Variants in TNPO1 observed in about 807,000 individuals in gnomAD.
TNPO1 encodes the protein transportin-1.
TNPO1 carries 8 observed loss-of-function variants against 119.5 expected under a neutral mutation model. The observed-to-expected ratio is 0.07, with a 90% CI of 0.04 to 0.12. The LOEUF (loss-of-function observed/expected upper bound fraction) is 0.12. Among genes scored for constraint, TNPO1 ranks in the 10% least tolerant of loss-of-function variants. TNPO1 has a pLI of 1.00. For synonymous variants in TNPO1, 362 were observed against 363.0 expected, an observed-to-expected ratio of 1.00 and a Z score of 0.03; for missense variants, 576 against 1,089.8, an observed-to-expected ratio of 0.53 and a Z score of 6.64.
chr5:72,872,736 G>T lies in TNPO1; in HGVS notation c.678+16G>T. On this transcript the variant is annotated intron_variant, in intron 7 of 24. Transcript: ENST00000337273. ...TTTTATTGAGGTAAGACTTGTTCTTGTCTCCCTCCCAACCCCCCAGCTTTT... is the reference window on the plus strand; with the variant it reads ...TTTTATTGAGGTAAGACTTGTTCTTTTCTCCCTCCCAACCCCCCAGCTTTT... 6.4e-7 allele frequency: 1 copy of T among 1,551,660 alleles called. No individual in the cohort carries two copies. Among genetic ancestry groups the T allele is most frequent in the Non-Finnish European group, 8.7e-7 (1 of 1,145,748 alleles).
intron 1 of TNPO1, among the ~76,000 whole-genome samples, chr5:72,834,028 G>A (rs979356542): frequency 2.0e-5 from 3 of 152,018 alleles, no homozygotes; most frequent in Admixed American, 2.0e-4. Flanking sequence ...TTCAGTCAAC[G>A]ATGGACTACA....
intron 5 of TNPO1, among the ~76,000 whole-genome samples, chr5:72,863,626 T>C (rs781069623): frequency 2.9e-4 from 44 of 151,658 alleles, no homozygotes; most frequent in Non-Finnish European, 5.7e-4. Context: ...CCAGGCATGG[T>C]GTCGAATGCC....
chr5:72,865,491 T>C, intron 5 of TNPO1, 105 bp from the exon 6 acceptor site: 1 of 1,259,352 alleles, frequency 7.9e-7, no homozygotes, highest in Non-Finnish European at 1.1e-6. Flanking sequence ...GCATTTTATG[T>C]GGGCTGAGAA....
At chr5:72,856,495 A>C (rs569855250) in intron 4 of TNPO1, among the ~76,000 whole-genome samples, 1 of 152,096 alleles carries the variant, frequency 6.6e-6, no homozygotes, top group East Asian at 1.9e-4. Flanking sequence ...AGCCTCCCAA[A>C]GTGCTGAGAT....
chr5:72,913,025 A>C lies in TNPO1; in HGVS notation c.*4352A>C, dbSNP rs1273515821. 6.6e-6 allele frequency: 1 copy of C among 152,488 alleles called. No homozygotes were observed. The allele number at this position is 152,488 out of a possible 1,614,324, so 9.4% of individuals were successfully genotyped here. ...TAACTTGCTACTAGTGTTGTTAATG[A>C]AGTATAGGCCTTGGAACATTTAAGA... On this transcript the variant is annotated 3_prime_UTR_variant, in exon 25 of 25. Coordinates refer to ENST00000337273, the MANE Select transcript of TNPO1 (RefSeq NM_002270.4).
intron 15 of TNPO1, among the ~76,000 whole-genome samples, chr5:72,892,876 T>G (rs1749165591): frequency 6.6e-6 from 1 of 151,736 alleles, no homozygotes; most frequent in Non-Finnish European, 1.5e-5. Context: ...TATGAACACA[T>G]AATACTCAAT....
At chr5:72,861,593 A>AG (rs982268729) in intron 4 of TNPO1, among the ~76,000 whole-genome samples, 1 of 151,662 alleles carries the variant, frequency 6.6e-6, no homozygotes, top group Non-Finnish European at 1.5e-5. Context: ...TAGTAGTGAG[A>AG]GGGTTTCATC....
intron 1 of TNPO1, among the ~76,000 whole-genome samples, chr5:72,838,634 A>T (rs1420895440): frequency 6.6e-6 from 1 of 152,194 alleles, no homozygotes; most frequent in East Asian, 1.9e-4. Context: ...CTAGAGTACT[A>T]CAGCTTGTCT....
intron 23 of TNPO1, among the ~76,000 whole-genome samples, chr5:72,904,553 T>C (rs1321348620): frequency 3.3e-5 from 5 of 152,144 alleles, no homozygotes; most frequent in Admixed American, 1.3e-4. Context: ...CCCAGCACTT[T>C]GGGAGGCCGA....
At chr5:72,848,926 C>T (rs1449507240) in intron 2 of TNPO1, among the ~76,000 whole-genome samples, 1 of 151,736 alleles carries the variant, frequency 6.6e-6, no homozygotes, top group Non-Finnish European at 1.5e-5. Context: ...AGCGGGAGGC[C>T]GGGTGGAGGG....
intron 6 of TNPO1, 79 bp from the exon 7 acceptor site, chr5:72,872,560 G>A (rs1561331176): frequency 1.1e-6 from 1 of 912,848 alleles, no homozygotes; most frequent in Non-Finnish European, 1.7e-6. Context: ...TATTTTTATG[G>A]AGGAATGTTT....
intron 20 of TNPO1, among the ~76,000 whole-genome samples, chr5:72,899,369 G>A (rs991017076): frequency 2.0e-5 from 3 of 152,106 alleles, no homozygotes; most frequent in Admixed American, 6.6e-5. Context: ...CATTCATTCA[G>A]TGAGTACCAT....
intron 1 of TNPO1, among the ~76,000 whole-genome samples, chr5:72,832,004 T>C (rs886134113): frequency 4.6e-5 from 7 of 152,100 alleles, no homozygotes; most frequent in Non-Finnish European, 1.0e-4. Flanking sequence ...GTTATATTAT[T>C]TGCCATATAT....
chr5:72,817,213 GTC>G (rs1368180212), intron 1 of TNPO1, among the ~76,000 whole-genome samples: 1 of 152,232 alleles, frequency 6.6e-6, no homozygotes, highest in African/African-American at 2.4e-5. Flanking sequence ...CTCTGCCCGG[GTC>G]TCCTGCGTCC....
At chr5:72,839,541 T>C (rs1219213139) in intron 1 of TNPO1, among the ~76,000 whole-genome samples, 1 of 152,220 alleles carries the variant, frequency 6.6e-6, no homozygotes, top group Non-Finnish European at 1.5e-5. Flanking sequence ...TACTAGTCCT[T>C]ACTAAGAAGT....
chr5:72,837,036 T>C (rs1279608930), intron 1 of TNPO1, among the ~76,000 whole-genome samples: 1 of 152,220 alleles, frequency 6.6e-6, no homozygotes, highest in Non-Finnish European at 1.5e-5. Flanking sequence ...GCTCTCCTCT[T>C]CTGAGCCCTT....
intron 5 of TNPO1, among the ~76,000 whole-genome samples, chr5:72,863,351 T>C (rs981506861): frequency 1.3e-5 from 2 of 152,106 alleles, no homozygotes; most frequent in Non-Finnish European, 2.9e-5. Flanking sequence ...CCATGGTGGC[T>C]CACACCTGTA....
chr5:72,820,164 A>T (rs1434265020), intron 1 of TNPO1, among the ~76,000 whole-genome samples: 2 of 152,134 alleles, frequency 1.3e-5, no homozygotes, highest in Non-Finnish European at 2.9e-5. Context: ...TTGTCACCAT[A>T]TTTAATGTTT....
intron 24 of TNPO1, among the ~76,000 whole-genome samples, chr5:72,906,326 CTT>C (rs1750164605): frequency 9.1e-6 from 1 of 110,426 alleles, no homozygotes; most frequent in Non-Finnish European, 1.7e-5. Flanking sequence ...GACAGAGACT[CTT>C]TCGCCCAGGC....
Sources: allele counts gnomAD v4.1 joint callset (sites outside exome capture counted in the v4.1 genomes callset), GRCh38; gene constraint gnomAD v4.1.1; transcripts MANE v1.5; gene names NCBI Gene and HGNC (gene_info 2026-07-23, HGNC 2026-07-21).